Variants in EPB41 observed in about 807,000 individuals in gnomAD.
The protein encoded by EPB41 is erythrocyte membrane protein band 4.1.
EPB41 carries 65 observed loss-of-function variants against 108.0 expected under a neutral mutation model. The ratio of observed to expected loss-of-function variants is 0.60; its 90% confidence interval spans 0.49 to 0.74. The LOEUF is 0.74. Ranked by LOEUF, EPB41 falls within the 30% of genes least tolerant of loss-of-function variation. EPB41 has a pLI of 0.00. For missense variants in EPB41, 875 were observed against 1,037.0 expected (o/e 0.84, Z 2.15); for synonymous variants, 336 against 358.9 (o/e 0.94, Z 0.72).
chr1:29,014,711 T>C (rs2096554905), intron 5 of EPB41, among the ~76,000 whole-genome samples: 1 of 152,188 alleles, frequency 6.6e-6, no homozygotes, highest in African/African-American at 2.4e-5. Context: ...ATTACAGGTG[T>C]AACCCACCAC....
chr1:29,057,400 A>G (rs1645725271), intron 12 of EPB41, among the ~76,000 whole-genome samples: 1 of 151,154 alleles, frequency 6.6e-6, no homozygotes, highest in Non-Finnish European at 1.5e-5. Flanking sequence ...AAAAAAAGAA[A>G]AAGAAATAAC....
intron 15 of EPB41, among the ~76,000 whole-genome samples, chr1:29,063,181 C>T (rs901955539): frequency 5.3e-5 from 8 of 152,126 alleles, no homozygotes; most frequent in African/African-American, 1.9e-4. Flanking sequence ...TTGCTCAGTC[C>T]AATACTGGGT....
upstream of EPB41, among the ~76,000 whole-genome samples, chr1:28,910,131 G>T (rs2092156045): frequency 6.6e-6 from 1 of 151,934 alleles, no homozygotes; most frequent in African/African-American, 2.4e-5. Context: ...TACTAGAAGG[G>T]AAGGTCCCAA....
intron 1 of EPB41, among the ~76,000 whole-genome samples, chr1:28,918,299 A>T (rs2092828893): frequency 6.6e-6 from 1 of 151,670 alleles, no homozygotes; most frequent in Non-Finnish European, 1.5e-5. Context: ...TGATCTGCCC[A>T]CGTCCGCCTC....
At chr1:29,046,971 G>A (rs1643408201) in intron 11 of EPB41, among the ~76,000 whole-genome samples, 1 of 151,992 alleles carries the variant, frequency 6.6e-6, no homozygotes, top group South Asian at 2.1e-4. Context: ...TTGTAATGTT[G>A]TGGTCAGGTT....
At chr1:29,021,511 C>G (rs1034587255) in intron 7 of EPB41, among the ~76,000 whole-genome samples, 4 of 151,996 alleles carry the variant, frequency 2.6e-5, no homozygotes, top group Non-Finnish European at 5.9e-5. Flanking sequence ...TTGCTGCATA[C>G]TGAAGCACAA....
chr1:29,003,329 G>A (rs1025925740), intron 4 of EPB41, among the ~76,000 whole-genome samples: 1 of 152,204 alleles, frequency 6.6e-6, no homozygotes, highest in Non-Finnish European at 1.5e-5. Context: ...GAAGCACAGC[G>A]TGACAGAGTG....
intron 12 of EPB41, 171 bp downstream of exon 12, chr1:29,053,483 G>C: frequency 1.3e-6 from 1 of 770,970 alleles, no homozygotes; most frequent in Non-Finnish European, 2.2e-6. Flanking sequence ...TATTTTCGTA[G>C]AGTTATGTCA....
rs186541695 is a variant in EPB41, at chr1:29,036,321, G to A, written c.1463+398G>A. On this transcript the variant is annotated intron_variant, in intron 10 of 20. Coordinates refer to ENST00000343067, the MANE Select transcript of EPB41 (RefSeq NM_001376013.1). ...GTTGCCCAGGCTGGAGTGCCGTGGCGCGATCTCGGCTCACTGCAACCTCCG... is the reference window on the plus strand; with the variant it reads ...GTTGCCCAGGCTGGAGTGCCGTGGCACGATCTCGGCTCACTGCAACCTCCG... Among the ~76,000 whole-genome samples, 1,065 of 147,190 alleles carry A rather than the reference G, an allele frequency of 7.2e-3. 12 individuals are homozygous for A. Among genetic ancestry groups the A allele is most frequent in the African/African-American group, 0.026 (1,035 of 39,782 alleles).
intron 5 of EPB41, among the ~76,000 whole-genome samples, chr1:29,013,764 G>T (rs1183166111): frequency 6.6e-6 from 1 of 151,368 alleles, no homozygotes; most frequent in Non-Finnish European, 1.5e-5. Flanking sequence ...CCTGACCTCG[G>T]GTGATCCACC....
intron 7 of EPB41, 142 bp from the exon 8 acceptor site, chr1:29,030,258 C>T: frequency 1.5e-6 from 1 of 664,398 alleles, no homozygotes; most frequent in Non-Finnish European, 2.7e-6. Flanking sequence ...TCCATAATAA[C>T]CTACTTTCAG....
chr1:29,093,576 G>T (rs1375772088), intron 16 of EPB41, among the ~76,000 whole-genome samples: 1 of 152,068 alleles, frequency 6.6e-6, no homozygotes, highest in African/African-American at 2.4e-5. Flanking sequence ...TTTTGCTTTT[G>T]TTGTGAATTG....
intron 11 of EPB41, among the ~76,000 whole-genome samples, chr1:29,043,817 G>A (rs1400718170): frequency 2.6e-5 from 4 of 152,226 alleles, no homozygotes; most frequent in Non-Finnish European, 5.9e-5. Flanking sequence ...GAAGGCTGTT[G>A]CAGAGTCTGG....
At chr1:28,966,489 C>T (rs533755869) in intron 1 of EPB41, among the ~76,000 whole-genome samples, 1 of 152,320 alleles carries the variant, frequency 6.6e-6, no homozygotes, top group South Asian at 2.1e-4. Flanking sequence ...ACAAAACAAG[C>T]ACAATCCTTT....
At chr1:29,040,504 C>G (rs891921429) in intron 11 of EPB41, among the ~76,000 whole-genome samples, 3 of 152,090 alleles carry the variant, frequency 2.0e-5, no homozygotes. Flanking sequence ...TGGTCTCAAA[C>G]TCCTGACCTC....
At chr1:29,025,260 C>T (rs2096704965) in intron 7 of EPB41, among the ~76,000 whole-genome samples, 1 of 152,040 alleles carries the variant, frequency 6.6e-6, no homozygotes, top group African/African-American at 2.4e-5. Flanking sequence ...GGAGATATAA[C>T]AAACATTATT....
chr1:28,928,781 C>T (rs1458074925), intron 1 of EPB41, among the ~76,000 whole-genome samples: 1 of 152,108 alleles, frequency 6.6e-6, no homozygotes, highest in East Asian at 1.9e-4. Flanking sequence ...CTAGAGCAGG[C>T]TGAGTTTAAA....
chr1:29,053,112 G>A lies in EPB41; in HGVS notation c.1645G>A (p.Val549Ile). The A allele has an allele frequency of 6.2e-7, 1 of 1,614,050 alleles. No homozygotes were observed. ...ASRSLDGAAA[V>I]DSADRSPRPT... ...TTCCCTTTCTCACATAGCAGCAGCTGTCGATTCGGCAGACCGAAGTCCTCG... is the reference window on the plus strand; with the variant it reads ...TTCCCTTTCTCACATAGCAGCAGCTATCGATTCGGCAGACCGAAGTCCTCG... Residue 549 changes from valine (V) to isoleucine (I), a missense_variant, in exon 12 of 21, where the codon GTC becomes ATC. Val to Ile is a conservative substitution (Grantham distance 29). Coordinates refer to ENST00000343067, the MANE Select transcript of EPB41 (RefSeq NM_001376013.1).
chr1:28,892,617 A>G (rs1003281135), intron 1 of EPB41, among the ~76,000 whole-genome samples: 7 of 151,992 alleles, frequency 4.6e-5, no homozygotes, highest in Non-Finnish European at 8.8e-5. Flanking sequence ...TGGGAGGCTG[A>G]GACAGGAGAA....
Sources: allele counts gnomAD v4.1 joint callset (sites outside exome capture counted in the v4.1 genomes callset), GRCh38; gene constraint gnomAD v4.1.1; transcripts MANE v1.5; gene names NCBI Gene and HGNC (gene_info 2026-07-23, HGNC 2026-07-21).